The following ALG12 variants were observed in gnomAD, a reference collection of about 807,000 sequenced individuals.
ALG12 encodes ALG12 alpha-1,6-mannosyltransferase.
In ALG12, 36 loss-of-function variants were observed where a neutral mutation model predicts 46.0. That is an observed-to-expected ratio of 0.78 (90% confidence interval 0.60 to 1.03). The LOEUF (loss-of-function observed/expected upper bound fraction) is 1.03, where lower values mean the gene tolerates loss of function less well. Ranked by LOEUF, ALG12 falls within the 50% of genes least tolerant of loss-of-function variation. The pLI is 0.00. For missense variants in ALG12, 599 were observed against 633.5 expected, an observed-to-expected ratio of 0.95 and a Z score of 0.58; for synonymous variants, 326 against 291.6, an observed-to-expected ratio of 1.12 and a Z score of -1.20.
intron 5 of ALG12, among the ~76,000 whole-genome samples, chr22:49,909,587 A>G (rs1276163195): frequency 6.6e-6 from 1 of 152,072 alleles, no homozygotes; most frequent in Non-Finnish European, 1.5e-5. Flanking sequence ...GAAAAAAGAC[A>G]CCAACTGTGT....
At chr22:49,880,564 C>T in the ALG12 span, among the ~76,000 whole-genome samples, 1 of 152,244 alleles carries the variant, frequency 6.6e-6, no homozygotes, top group Non-Finnish European at 1.5e-5. Context: ...TCTCTCTCAG[C>T]GTCTGAAAAC....
At position 49,903,660 on chromosome 22, in the gene ALG12, GC is replaced by G; in HGVS notation, c.*177del. 1.3e-6 allele frequency: 1 copy of G among 772,616 alleles called. No individual in the cohort carries two copies. Among genetic ancestry groups the G allele is most frequent in the Non-Finnish European group, 2.2e-6 (1 of 449,472 alleles). The allele number at this position is 772,616 out of a possible 1,614,324, so 47.9% of individuals were successfully genotyped here. A position where few individuals can be genotyped will look rare whatever the true frequency, so the allele number is the denominator to read the frequency against. On this transcript the variant is annotated 3_prime_UTR_variant, in exon 10 of 10. Transcript: ENST00000330817. The stretch of plus-strand genomic sequence containing the variant: ...GGCCCCTCGTTCTTTGGTGCTGAGA[GC>G]CCCAGCTGAGGCTGTGGAGGAGGCC...
the ALG12 span, chr22:49,887,198 A>G: frequency 2.5e-6 from 4 of 1,586,120 alleles, no homozygotes; most frequent in Non-Finnish European, 3.4e-6. Context: ...CGGCACCACT[A>G]GGCCAGAGGC....
rs769719921 is a variant in ALG12 at position 49,913,436 on chromosome 22, C to T, written c.244G>A (p.Val82Ile). ...VVIAVFSSPA[V>I]YVLSLLEMSK... ...ATTTCTAACAGCGAAAGCACGTAAA[C>T]CGCGGGGCTGGAGAACACTGCGATC... The change falls in exon 3 of 10, where the codon GTT becomes ATT. Residue 82 changes from valine to isoleucine, a missense_variant. Val to Ile is a conservative substitution (Grantham distance 29, BLOSUM62 3). Transcript: ENST00000330817. The T allele has an allele frequency of 6.2e-7, 1 of 1,613,996 alleles. No individual in the cohort carries two copies.
At chr22:49,861,527 G>A in the ALG12 span, among the ~76,000 whole-genome samples, 1 of 152,094 alleles carries the variant, frequency 6.6e-6, no homozygotes, top group African/African-American at 2.4e-5. Context: ...TCGACCTCAC[G>A]GGCTCAAGTG....
the ALG12 span, among the ~76,000 whole-genome samples, chr22:49,891,024 C>T: frequency 6.9e-6 from 1 of 144,556 alleles, no homozygotes; most frequent in African/African-American, 2.6e-5. Flanking sequence ...AGCGAGACTC[C>T]ATCTCAAAAA....
At chr22:49,871,335 A>G in the ALG12 span, among the ~76,000 whole-genome samples, 1 of 152,104 alleles carries the variant, frequency 6.6e-6, no homozygotes, top group East Asian at 2.0e-4. Flanking sequence ...AAAAATACAA[A>G]ATTAGCTGGG....
At chr22:49,871,252 G>T in the ALG12 span, among the ~76,000 whole-genome samples, 2 of 133,802 alleles carry the variant, frequency 1.5e-5, no homozygotes, top group African/African-American at 5.6e-5. Context: ...ACTTTGGGAG[G>T]CCAAGGCAGG....
the ALG12 span, among the ~76,000 whole-genome samples, chr22:49,867,726 C>T: frequency 6.8e-6 from 1 of 147,646 alleles, no homozygotes; most frequent in Admixed American, 6.6e-5. Flanking sequence ...GATCTAATAC[C>T]ATCTAGGCCT....
chr22:49,907,981 C>T (rs367633831), intron 6 of ALG12, 37 bp from the exon 7 acceptor site: 8 of 1,598,682 alleles, frequency 5.0e-6, no homozygotes, highest in Admixed American at 1.7e-5. Flanking sequence ...CACCTGTCCA[C>T]GCATGAGCCC....
At chr22:49,884,821 T>G in the ALG12 span, 1 of 1,608,094 alleles carries the variant, frequency 6.2e-7, no homozygotes, top group Non-Finnish European at 8.5e-7. Context: ...CCCTTCGGCC[T>G]CCTCCTCCCC....
intron 3 of ALG12, among the ~76,000 whole-genome samples, chr22:49,911,854 C>G (rs184507994): frequency 6.6e-6 from 1 of 152,212 alleles, no homozygotes; most frequent in Admixed American, 6.5e-5. Flanking sequence ...CCAGCAAAGC[C>G]CCGCTTCCCC....
rs1366458103 is a variant in ALG12, at chr22:49,903,774, C to T, written c.*64G>A. ...TGTCATAATTGTGCTGGAATTGTGC[C>T]AGAAACTGGTAGTGATAACAGCTCC... On this transcript the variant is annotated 3_prime_UTR_variant, in exon 10 of 10. Coordinates refer to ENST00000330817, the MANE Select transcript of ALG12 (RefSeq NM_024105.4). 2 of 1,550,578 alleles carry T rather than the reference C, an allele frequency of 1.3e-6. No homozygotes were observed. The highest frequency in any genetic ancestry group is 2.7e-5 in the African/African-American group (2 of 73,718).
the ALG12 span, chr22:49,883,567 G>T: frequency 7.0e-7 from 1 of 1,418,836 alleles, no homozygotes; most frequent in Non-Finnish European, 9.3e-7. Context: ...GAATTATGAC[G>T]AAAAAGTGAA....
At chr22:49,890,196 A>C in the ALG12 span, 7 of 152,350 alleles carry the variant, frequency 4.6e-5, no homozygotes, top group Non-Finnish European at 7.3e-5. Context: ...AGTCCCAGCT[A>C]CTTGGGAGGC....
chr22:49,861,457 A>C, the ALG12 span, among the ~76,000 whole-genome samples: 1 of 151,930 alleles, frequency 6.6e-6, no homozygotes, highest in East Asian at 1.9e-4. Flanking sequence ...GTTTTGAGAT[A>C]GCGTCTGGCT....
the ALG12 span, among the ~76,000 whole-genome samples, chr22:49,873,729 C>A: frequency 1.3e-5 from 2 of 152,176 alleles, no homozygotes; most frequent in Non-Finnish European, 2.9e-5. Context: ...CCTCATCACC[C>A]CCACCCTGCA....
chr22:49,887,238 C>T, the ALG12 span: 1 of 1,536,576 alleles, frequency 6.5e-7, no homozygotes, highest in East Asian at 2.3e-5. Flanking sequence ...CAGCCTGTAC[C>T]AGGTCTATGA....
At chr22:49,867,506 A>C in the ALG12 span, among the ~76,000 whole-genome samples, 1 of 152,130 alleles carries the variant, frequency 6.6e-6, no homozygotes, top group East Asian at 1.9e-4. Context: ...GCTTCTCTTC[A>C]TGGGAGTTTT....
Sources: allele counts gnomAD v4.1 joint callset (sites outside exome capture counted in the v4.1 genomes callset), GRCh38; gene constraint gnomAD v4.1.1; transcripts MANE v1.5; gene names NCBI Gene and HGNC (gene_info 2026-07-23, HGNC 2026-07-21).